PLSCR2: variants seen among roughly 807,000 people sequenced by gnomAD.
PLSCR2 encodes the protein PL scramblase 2.
Under a neutral mutation model 25.3 loss-of-function variants are expected in PLSCR2, and 18 were observed. That is an observed-to-expected ratio of 0.71 (90% CI 0.49 to 1.06). The LOEUF is 1.06. PLSCR2 is among the 50% of genes least tolerant of loss of function. The pLI, the probability that PLSCR2 is intolerant of heterozygous loss-of-function variation, is 0.00. For missense variants in PLSCR2, 243 were observed against 269.5 expected (o/e 0.90, Z 0.69); for synonymous variants, 88 against 87.3 (o/e 1.01, Z -0.04).
chr3:146,444,761 T>C (rs908322311), intron 6 of PLSCR2, among the ~76,000 whole-genome samples: 1 of 152,080 alleles, frequency 6.6e-6, no homozygotes, highest in East Asian at 1.9e-4. Context: ...TTCAATGCCA[T>C]TATTGATAAG....
intron 1 of PLSCR2, among the ~76,000 whole-genome samples, chr3:146,476,012 T>C (rs113009781): frequency 2.6e-5 from 4 of 152,066 alleles, no homozygotes; most frequent in Non-Finnish European, 5.9e-5. Flanking sequence ...CCCCAACTAT[T>C]ATTAAGGCCT....
chr3:146,404,800 A>C (rs2038597399), intron 2 of PLSCR2, among the ~76,000 whole-genome samples: 1 of 141,090 alleles, frequency 7.1e-6, no homozygotes, highest in African/African-American at 2.6e-5. Context: ...TTCAAAAGGA[A>C]GAAATAGGCA....
chr3:146,488,734 T>C (rs2043436962), intron 1 of PLSCR2, among the ~76,000 whole-genome samples: 1 of 152,044 alleles, frequency 6.6e-6, no homozygotes, highest in Non-Finnish European at 1.5e-5. Flanking sequence ...GAATCTAAAC[T>C]AAACCATTGT....
chr3:146,478,470 A>G (rs2043007010), intron 1 of PLSCR2, among the ~76,000 whole-genome samples: 2 of 152,218 alleles, frequency 1.3e-5, no homozygotes, highest in Admixed American at 1.3e-4. Flanking sequence ...AGCTGATTCG[A>G]TCAAGTGGAA....
At chr3:146,463,196 T>A (rs1315665255), upstream of PLSCR2, among the ~76,000 whole-genome samples, 1 of 152,212 alleles carries the variant, frequency 6.6e-6, no homozygotes, top group Non-Finnish European at 1.5e-5. Flanking sequence ...TTCTTTTTTT[T>A]CTTTTTTGAG....
At chr3:146,442,916 A>G (rs140077595) in intron 6 of PLSCR2, among the ~76,000 whole-genome samples, 99 of 152,212 alleles carry the variant, frequency 6.5e-4, no homozygotes, top group African/African-American at 2.3e-3. Context: ...CTTGGATATG[A>G]CCTAAAAAGC....
At chr3:146,404,295 A>G (rs2038576621) in intron 2 of PLSCR2, among the ~76,000 whole-genome samples, 1 of 152,230 alleles carries the variant, frequency 6.6e-6, no homozygotes, top group Non-Finnish European at 1.5e-5. Flanking sequence ...TATAACAATC[A>G]TAATATGATG....
At chr3:146,468,217 T>C (rs1245900972) in intron 1 of PLSCR2, among the ~76,000 whole-genome samples, 2 of 152,218 alleles carry the variant, frequency 1.3e-5, no homozygotes, top group African/African-American at 4.8e-5. Flanking sequence ...CTCATTTTCC[T>C]TTGTATGTGT....
chr3:146,488,405 G>A (rs895764533), intron 1 of PLSCR2, among the ~76,000 whole-genome samples: 1 of 152,082 alleles, frequency 6.6e-6, no homozygotes, highest in Non-Finnish European at 1.5e-5. Flanking sequence ...TAATGAGTGA[G>A]AGAAAAGTTT....
At chr3:146,393,323 C>T (rs1425562153) in intron 3 of PLSCR2, among the ~76,000 whole-genome samples, 1 of 151,680 alleles carries the variant, frequency 6.6e-6, no homozygotes, top group Non-Finnish European at 1.5e-5. Flanking sequence ...CCACCGTGCC[C>T]AGCCTACATT....
At chr3:146,415,209 A>C (rs1163787114) in intron 2 of PLSCR2, 1 of 152,588 alleles carries the variant, frequency 6.6e-6, no homozygotes. Context: ...GAAGTACTCA[A>C]ATTAAATTTA....
At chr3:146,481,650 C>A (rs903397481) in intron 1 of PLSCR2, among the ~76,000 whole-genome samples, 2 of 152,186 alleles carry the variant, frequency 1.3e-5, no homozygotes, top group Non-Finnish European at 2.9e-5. Context: ...AATGGCCATA[C>A]TGCCCAAGGT....
downstream of PLSCR2, among the ~76,000 whole-genome samples, chr3:146,437,457 A>G (rs1461627335): frequency 6.6e-6 from 1 of 152,120 alleles, no homozygotes; most frequent in East Asian, 1.9e-4. Flanking sequence ...AGAACCTGTT[A>G]TTGGTCTATT....
At chr3:146,464,015 T>A, upstream of PLSCR2, 1 of 977,072 alleles carries the variant, frequency 1.0e-6, no homozygotes. Context: ...TCAAAAGATG[T>A]ATTTGTGTTA....
At chr3:146,460,336 AGAAAATAT>A in exon 1 of PLSCR2, 5 of 501,750 alleles carry the variant, frequency 1.0e-5, no homozygotes, top group Non-Finnish European at 1.4e-5. Flanking sequence ...AAACTCAGAT[AGAAAATAT>A]GCTTTTATAC....
At chr3:146,436,377 T>G (rs2039860341) in intron 8 of PLSCR2, among the ~76,000 whole-genome samples, 1 of 152,220 alleles carries the variant, frequency 6.6e-6, no homozygotes, top group Non-Finnish European at 1.5e-5. Context: ...GATGGCCATT[T>G]TCATGATACT....
chr3:146,487,547 A>G (rs1028036765), intron 1 of PLSCR2, among the ~76,000 whole-genome samples: 1 of 152,166 alleles, frequency 6.6e-6, no homozygotes, highest in African/African-American at 2.4e-5. Context: ...AGAGAGCCAG[A>G]TCATGAATGA....
At chr3:146,477,281 C>T (rs535230860) in intron 1 of PLSCR2, among the ~76,000 whole-genome samples, 12 of 152,280 alleles carry the variant, frequency 7.9e-5, no homozygotes, top group South Asian at 2.1e-4. Flanking sequence ...CAGGGCAGAG[C>T]GTTACCTCAC....
At chr3:146,458,038 A>G (rs1289918144) in intron 3 of PLSCR2, among the ~76,000 whole-genome samples, 2 of 152,200 alleles carry the variant, frequency 1.3e-5, no homozygotes, top group Non-Finnish European at 1.5e-5. Flanking sequence ...GATTACTTAT[A>G]ATACACAAAC....
Sources: allele counts gnomAD v4.1 joint callset (sites outside exome capture counted in the v4.1 genomes callset), GRCh38; gene constraint gnomAD v4.1.1; transcripts MANE v1.5; gene names NCBI Gene and HGNC (gene_info 2026-07-23, HGNC 2026-07-21).